SEMA3E: variants seen among roughly 807,000 people sequenced by gnomAD.
SEMA3E encodes semaphorin 3E.
In SEMA3E, 49 loss-of-function variants were observed where a neutral mutation model predicts 93.6. That is an observed-to-expected ratio of 0.52 (90% confidence interval 0.42 to 0.66). The LOEUF (loss-of-function observed/expected upper bound fraction) is 0.66, where lower values mean the gene tolerates loss of function less well. Ranked by LOEUF, SEMA3E falls within the 30% of genes least tolerant of loss-of-function variation. The pLI, the probability that SEMA3E is intolerant of heterozygous loss-of-function variation, is 0.00. For missense variants in SEMA3E, 906 were observed against 964.8 expected, an observed-to-expected ratio of 0.94 and a Z score of 0.81; for synonymous variants, 363 against 330.7, an observed-to-expected ratio of 1.10 and a Z score of -1.06.
At chr7:83,478,148 C>A (rs1304327659) in intron 2 of SEMA3E, among the ~76,000 whole-genome samples, 1 of 152,138 alleles carries the variant, frequency 6.6e-6, no homozygotes, top group Non-Finnish European at 1.5e-5. Flanking sequence ...GTCTTGAACT[C>A]CTGACCTCAG....
At chr7:83,535,638 T>A (rs1791398219) in intron 1 of SEMA3E, among the ~76,000 whole-genome samples, 1 of 152,158 alleles carries the variant, frequency 6.6e-6, no homozygotes, top group Non-Finnish European at 1.5e-5. Flanking sequence ...GCTGCATGTT[T>A]ATACCTTTTT....
chr7:83,393,011 C>G (rs1405481086), intron 13 of SEMA3E, among the ~76,000 whole-genome samples: 2 of 132,634 alleles, frequency 1.5e-5, no homozygotes, highest in African/African-American at 5.5e-5. Flanking sequence ...GGAGGTGGAA[C>G]CTGGGCGACA....
rs553630404 is a variant in SEMA3E, at chr7:83,368,022, C to T, written c.1892G>A (p.Arg631Lys). Residue 631 changes from arginine to lysine, a missense_variant, in exon 17 of 17, where the codon AGA becomes AAA. Arg to Lys is a conservative substitution (Grantham distance 26). Coordinates refer to ENST00000643230, the MANE Select transcript of SEMA3E (RefSeq NM_012431.3). ...TRKEEVKTDDRVVKMDLGLLF... is the reference protein window; with the variant it reads ...TRKEEVKTDDKVVKMDLGLLF... Reference sequence around the variant, plus strand: ...TAAACCAAGGTCCATCTTAACCACTCTGTCATCTGTCTTCACCTGCAAAAA... The same window carrying T: ...TAAACCAAGGTCCATCTTAACCACTTTGTCATCTGTCTTCACCTGCAAAAA... 92 of 1,613,974 alleles carry T rather than the reference C, an allele frequency of 5.7e-5. No individual in the cohort carries two copies. The South Asian group carries it at 8.7e-4, about 15-fold the overall frequency.
In SEMA3E at chr7:83,368,052, A is replaced by G; in HGVS notation, c.1876-14T>C. On this transcript the variant is annotated splice_polypyrimidine_tract_variant and intron_variant, in intron 16 of 16. Coordinates refer to ENST00000643230, the MANE Select transcript of SEMA3E (RefSeq NM_012431.3). The stretch of plus-strand genomic sequence containing the variant: ...ATCTGTCTTCACCTGCAAAAACAAA[A>G]AAGTAAATGGCACTGAAGTACACAG... 6.2e-7 allele frequency: 1 copy of G among 1,610,346 alleles called. No individual in the cohort carries two copies. The highest frequency in any genetic ancestry group is 8.5e-7 in the Non-Finnish European group (1 of 1,177,240).
intron 1 of SEMA3E, among the ~76,000 whole-genome samples, chr7:83,591,662 C>T (rs567314531): frequency 1.5e-4 from 23 of 151,922 alleles, no homozygotes; most frequent in Non-Finnish European, 1.9e-4. Flanking sequence ...GCAAAATATT[C>T]ACAGATGGGC....
In SEMA3E at chr7:83,392,641, A is replaced by T; in HGVS notation, c.1581T>A (p.Ala527=). 1.2e-6 allele frequency: 2 copies of T among 1,613,948 alleles called. No homozygotes were observed. The highest frequency in any genetic ancestry group is 1.7e-6 in the Non-Finnish European group (2 of 1,179,910). The change falls in exon 14 of 17, where the codon GCT becomes GCA. Residue 527 remains alanine, a synonymous_variant. Transcript: ENST00000643230. ...HHCDMYGSAC[A]DCCLARDPYC... Reference sequence around the variant, plus strand: ...AAGGGTCTCGAGCCAGGCAGCAGTCAGCACAAGCACTTCCATACATGTCAC... The same window carrying T: ...AAGGGTCTCGAGCCAGGCAGCAGTCTGCACAAGCACTTCCATACATGTCAC...
intron 16 of SEMA3E, among the ~76,000 whole-genome samples, chr7:83,383,226 G>A (rs140446470): frequency 7.2e-3 from 343 of 47,394 alleles, no homozygotes; most frequent in African/African-American, 0.016. Flanking sequence ...TGATAAGAAA[G>A]TGATTTCTTA....
chr7:83,461,251 C>T (rs990115356), intron 4 of SEMA3E, among the ~76,000 whole-genome samples: 27 of 152,108 alleles, frequency 1.8e-4, no homozygotes, highest in African/African-American at 5.6e-4. Flanking sequence ...CTTTCCCTCC[C>T]GCCTGTACCC....
intron 1 of SEMA3E, among the ~76,000 whole-genome samples, chr7:83,641,600 T>C (rs910299120): frequency 2.6e-5 from 4 of 152,236 alleles, no homozygotes; most frequent in Admixed American, 6.5e-5. Context: ...AACAAAATAA[T>C]TCTTACAATA....
At chr7:83,500,590 C>CTTTTTTTTTTTTTTTT (rs371350850) in intron 1 of SEMA3E, among the ~76,000 whole-genome samples, 2 of 100,616 alleles carry the variant, frequency 2.0e-5, no homozygotes, top group Non-Finnish European at 3.7e-5. Context: ...AACTTTCTTC[C>CTTTTTTTTTTTTTTTT]TTTTTTTTTT....
chr7:83,578,707 G>C (rs74928568), intron 1 of SEMA3E, among the ~76,000 whole-genome samples: 5 of 152,164 alleles, frequency 3.3e-5, no homozygotes, highest in Middle Eastern at 3.4e-3. Flanking sequence ...TTCTTATACT[G>C]CACAACTACT....
chr7:83,515,242 G>T (rs1458737337), intron 1 of SEMA3E, among the ~76,000 whole-genome samples: 3 of 149,960 alleles, frequency 2.0e-5, no homozygotes, highest in Non-Finnish European at 4.4e-5. Flanking sequence ...TGTGCTGCAG[G>T]TGCTTTACTT....
chr7:83,450,145 A>G (rs903995331), intron 4 of SEMA3E, among the ~76,000 whole-genome samples: 5 of 152,216 alleles, frequency 3.3e-5, no homozygotes, highest in Non-Finnish European at 5.9e-5. Context: ...AATGTGGGGT[A>G]ACTAGAAAAC....
chr7:83,433,128 G>T (rs1252625742), intron 4 of SEMA3E, among the ~76,000 whole-genome samples: 1 of 152,054 alleles, frequency 6.6e-6, no homozygotes, highest in Non-Finnish European at 1.5e-5. Flanking sequence ...CTGTAAAGGG[G>T]CTTTGCACTA....
intron 2 of SEMA3E, among the ~76,000 whole-genome samples, chr7:83,482,341 T>A (rs1046125898): frequency 6.6e-6 from 1 of 151,552 alleles, no homozygotes; most frequent in Non-Finnish European, 1.5e-5. Context: ...CCGAGGCGGG[T>A]GGATCACGAG....
chr7:83,534,645 G>T (rs984456975), intron 1 of SEMA3E, among the ~76,000 whole-genome samples: 3 of 152,122 alleles, frequency 2.0e-5, no homozygotes, highest in African/African-American at 7.2e-5. Flanking sequence ...GACAAAGCAG[G>T]TCTGTCACTT....
intron 1 of SEMA3E, among the ~76,000 whole-genome samples, chr7:83,542,608 G>T (rs1045832699): frequency 1.3e-4 from 20 of 151,836 alleles, no homozygotes; most frequent in Non-Finnish European, 4.4e-5. Context: ...AAAAAAAACT[G>T]ACCTTTTCAA....
At chr7:83,506,799 T>C (rs1402419650) in intron 1 of SEMA3E, among the ~76,000 whole-genome samples, 1 of 152,220 alleles carries the variant, frequency 6.6e-6, no homozygotes, top group Non-Finnish European at 1.5e-5. Context: ...GAATGGATGA[T>C]AATTTTTTTA....
At chr7:83,414,690 T>G (rs1788506816) in intron 5 of SEMA3E, among the ~76,000 whole-genome samples, 1 of 152,132 alleles carries the variant, frequency 6.6e-6, no homozygotes, top group South Asian at 2.1e-4. Flanking sequence ...AAATTTAGTG[T>G]GCATTTACTT....
Sources: allele counts gnomAD v4.1 joint callset (sites outside exome capture counted in the v4.1 genomes callset), GRCh38; gene constraint gnomAD v4.1.1; transcripts MANE v1.5; gene names NCBI Gene and HGNC (gene_info 2026-07-23, HGNC 2026-07-21).